Variants in PPP1R11 observed in about 807,000 individuals in gnomAD.
The protein encoded by PPP1R11 is E3 ubiquitin-protein ligase PPP1R11.
PPP1R11 carries 10 observed loss-of-function variants against 11.3 expected under a neutral mutation model. That is an observed-to-expected ratio of 0.88 (90% CI 0.55 to 1.50). The LOEUF (loss-of-function observed/expected upper bound fraction) is 1.50. Among genes scored for constraint, PPP1R11 ranks in the 40% most tolerant of loss-of-function variants. The pLI is 0.00. For synonymous variants in PPP1R11, 56 were observed against 62.3 expected, an observed-to-expected ratio of 0.90 and a Z score of 0.48; for missense variants, 114 against 179.1, an observed-to-expected ratio of 0.64 and a Z score of 2.07.
upstream of PPP1R11, chr6:30,061,986 T>G (rs760877351): frequency 1.2e-6 from 2 of 1,613,002 alleles, no homozygotes; most frequent in Non-Finnish European, 1.7e-6. This position sits in a 1 kb window ranked among gnomAD's most constrained non-coding sequence, Gnocchi z 5.0. Context: ...CCTATGTCGG[T>G]GGAGGAAGGG....
chr6:30,064,620 C>G, upstream of PPP1R11: 1 of 1,532,652 alleles, frequency 6.5e-7, no homozygotes, highest in Non-Finnish European at 8.9e-7. Context: ...TTATCTTATA[C>G]TACTAGAAAC....
At chr6:30,062,112 C>A, upstream of PPP1R11, 1 of 1,460,574 alleles carries the variant, frequency 6.8e-7, no homozygotes. Context: ...TGCCCAATTC[C>A]AAGAGGGAAA....
Position 30,069,035 on chromosome 6 carries a change from G to T in PPP1R11, c.179-69G>T, listed in dbSNP as rs1582380345. 3 of 1,440,588 alleles carry T rather than the reference G, an allele frequency of 2.1e-6. No homozygotes were observed. The highest frequency in any genetic ancestry group is 4.6e-5 in the East Asian group (2 of 43,892). The allele number at this position is 1,440,588 out of a possible 1,614,324, so 89.2% of individuals were successfully genotyped here. A position where few individuals can be genotyped will look rare whatever the true frequency, so the allele number is the denominator to read the frequency against. On this transcript the variant is annotated intron_variant, in intron 2 of 2. Coordinates refer to ENST00000376772, the MANE Select transcript of PPP1R11 (RefSeq NM_021959.3). The surrounding 1 kb of genome is among the most constrained non-coding windows in gnomAD (Gnocchi z 6.6). ...AAATAGGAATTTTCACTGAGTTTGA[G>T]TGGGAATGGAACTGACTATATATCT...
upstream of PPP1R11, among the ~76,000 whole-genome samples, chr6:30,065,310 T>C (rs991875088): frequency 2.6e-5 from 4 of 152,190 alleles, no homozygotes; most frequent in Non-Finnish European, 4.4e-5. This position sits in a 1 kb window ranked among gnomAD's most constrained non-coding sequence, Gnocchi z 5.3. Context: ...AGTCTACATA[T>C]ATGTGGATTT....
At chr6:30,061,490 A>G in the PPP1R11 span, 1 of 1,609,268 alleles carries the variant, frequency 6.2e-7, no homozygotes, top group Non-Finnish European at 8.5e-7. The surrounding 1 kb of genome is among the most constrained non-coding windows in gnomAD (Gnocchi z 5.0). Context: ...CTCTTTTGTT[A>G]ATAAACTTCC....
At chr6:30,065,279 A>C (rs146873543), upstream of PPP1R11, among the ~76,000 whole-genome samples, 105 of 152,274 alleles carry the variant, frequency 6.9e-4, no homozygotes, top group African/African-American at 2.3e-3. This position sits in a 1 kb window ranked among gnomAD's most constrained non-coding sequence, Gnocchi z 5.3. Context: ...ACCCTTGAAC[A>C]ACACAGGTTT....
chr6:30,064,992 G>A (rs374781841), upstream of PPP1R11: 1 of 319,962 alleles, frequency 3.1e-6, no homozygotes. Context: ...AAAAGAAAAG[G>A]GGGAAAAATT....
upstream of PPP1R11, among the ~76,000 whole-genome samples, chr6:30,062,909 A>C (rs147211057): frequency 2.0e-5 from 3 of 151,318 alleles, no homozygotes; most frequent in East Asian, 3.9e-4. Context: ...AAGAAAAAAA[A>C]AACAACATAA....
chr6:30,068,744 T>G (rs758606521), intron 2 of PPP1R11, 46 bp downstream of exon 2: 2 of 1,510,302 alleles, frequency 1.3e-6, no homozygotes, highest in East Asian at 4.5e-5. Flanking sequence ...CTGGCTCCCT[T>G]CAGCATATCT....
chr6:30,062,182 G>A (rs781135182), upstream of PPP1R11: 7 of 1,527,054 alleles, frequency 4.6e-6, no homozygotes, highest in South Asian at 6.7e-5. Flanking sequence ...GGGAAGTAAG[G>A]GGATATGACC....
upstream of PPP1R11, chr6:30,067,084 TTCTC>T (rs1042655431): frequency 8.7e-6 from 3 of 346,356 alleles, no homozygotes; most frequent in East Asian, 4.9e-5. Context: ...CCAAATTTGT[TTCTC>T]TTTCTTTCAG....
chr6:30,068,782 C>A, intron 2 of PPP1R11, 84 bp downstream of exon 2: 1 of 1,190,458 alleles, frequency 8.4e-7, no homozygotes. Context: ...ACTGGCTTTC[C>A]AGAAGCCCCC....
chr6:30,062,317 A>T (rs777135024), upstream of PPP1R11: 62 of 1,611,118 alleles, frequency 3.8e-5, no homozygotes, highest in Non-Finnish European at 4.6e-5. Flanking sequence ...TGTCTTCTAC[A>T]CCTGTACCAA....
upstream of PPP1R11, chr6:30,064,715 T>C: frequency 1.2e-6 from 2 of 1,608,532 alleles, no homozygotes; most frequent in South Asian, 1.1e-5. Context: ...CCTGGGCAAC[T>C]CTACAGTCCC....
chr6:30,069,223 C>T lies in PPP1R11; in HGVS notation c.298C>T (p.Arg100Cys), dbSNP rs759934124. The part of the protein sequence containing the change: ...CVRGHRKGRR[R>C]ATLGPTPTTP... ...ACGTGGCCACCGCAAAGGACGGCGT[C>T]GTGCAACCCTAGGACCGACCCCCAC... is the stretch of plus-strand genomic sequence containing the variant. The change falls in exon 3 of 3, where the codon CGT (arginine) becomes TGT (cysteine). Residue 100 changes from arginine to cysteine, a missense_variant. Arg to Cys is a radical substitution (Grantham distance 180, BLOSUM62 -3). Transcript: ENST00000376772. The surrounding 1 kb of genome is among the most constrained non-coding windows in gnomAD (Gnocchi z 6.6). 18 of 1,612,860 alleles carry T rather than the reference C, an allele frequency of 1.1e-5. No individual in the cohort carries two copies. In the African/African-American group the frequency reaches 1.2e-4, roughly 11 times the overall value.
upstream of PPP1R11, among the ~76,000 whole-genome samples, chr6:30,064,426 C>A (rs1350942639): frequency 7.1e-6 from 1 of 141,120 alleles, no homozygotes; most frequent in African/African-American, 2.6e-5. Context: ...TTTTTTTTTT[C>A]TTTTACAGCT....
At chr6:30,068,561 G>A in intron 1 of PPP1R11, 29 bp from the exon 2 acceptor site, 1 of 1,583,056 alleles carries the variant, frequency 6.3e-7, no homozygotes, top group South Asian at 1.1e-5. Context: ...GAGGGGACTA[G>A]ATAGGTATGC....
At position 30,067,231 on chromosome 6, in the gene PPP1R11, TTA is replaced by T; in HGVS notation, c.-179_-178del. On this transcript the variant is annotated 5_prime_UTR_variant, in exon 1 of 3. Coordinates refer to ENST00000376772, the MANE Select transcript of PPP1R11 (RefSeq NM_021959.3). ...CGGAAGCGGCGAGCCGGAAGTGGGG[TTA>T]GCCAGGTTATCCCCAGGGGTGGAGA... is the stretch of plus-strand genomic sequence containing the variant. 1.7e-6 allele frequency: 1 copy of T among 595,938 alleles called. No homozygotes were observed. Among genetic ancestry groups the T allele is most frequent in the East Asian group, 3.0e-5 (1 of 33,606 alleles). The allele number at this position is 595,938 out of a possible 1,614,324, so 36.9% of individuals were successfully genotyped here.
intron 1 of PPP1R11, chr6:30,067,697 G>T (rs1157989055): frequency 3.5e-6 from 2 of 569,988 alleles, no homozygotes; most frequent in Admixed American, 6.1e-5. Context: ...GGGAGGTACA[G>T]TTAGGATATA....
Sources: allele counts gnomAD v4.1 joint callset (sites outside exome capture counted in the v4.1 genomes callset), GRCh38; gene constraint gnomAD v4.1.1; non-coding constraint Gnocchi (gnomAD v3.1); transcripts MANE v1.5; gene names NCBI Gene and HGNC (gene_info 2026-07-23, HGNC 2026-07-21).